Variants in ARSL observed in about 807,000 individuals in gnomAD.
ARSL encodes arylsulfatase E (chondrodysplasia punctata 1).
Under a neutral mutation model 31.1 loss-of-function variants are expected in ARSL, and 4 were observed. That is an observed-to-expected ratio of 0.13 (90% CI 0.06 to 0.29). The LOEUF is 0.29. Ranked by LOEUF, ARSL falls within the 10% of genes least tolerant of loss-of-function variation. The pLI is 1.00. For missense variants in ARSL, 312 were observed against 497.8 expected (o/e 0.63, Z 3.55); for synonymous variants, 198 against 209.9 (o/e 0.94, Z 0.49).
At position 2,944,198 on chromosome X, in the gene ARSL, G is replaced by A. The variant is rs748674726; in HGVS notation, c.992-999C>T. Among the ~76,000 whole-genome samples the A allele has an allele frequency of 2.7e-5, 3 of 109,170 alleles. No homozygotes were observed. The East Asian group carries it at 8.8e-4, about 32-fold the overall frequency. The allele number at this position is 109,170 out of a possible 115,157, so 94.8% of individuals were successfully genotyped here. On this transcript the variant is annotated intron_variant, in intron 7 of 10. Coordinates refer to ENST00000381134, the MANE Select transcript of ARSL (RefSeq NM_000047.3). ...CGGCCAGGCGCAGTGGCTCATCCCTGTAATCCCAGCACTTTGGGAGGCTGA... is the reference window on the plus strand; with the variant it reads ...CGGCCAGGCGCAGTGGCTCATCCCTATAATCCCAGCACTTTGGGAGGCTGA...
chrX:2,938,382 C>CTG, intron 8 of ARSL, 125 bp from the exon 9 acceptor site: 1 of 570,985 alleles, frequency 1.8e-6, no homozygotes, highest in Non-Finnish European at 2.5e-6. Context: ...CTCTCAATTT[C>CTG]TCTCTCTCTC....
chrX:2,966,918 T>C (rs2089704535), upstream of ARSL, among the ~76,000 whole-genome samples: 1 of 110,715 alleles, frequency 9.0e-6, no homozygotes, highest in Non-Finnish European at 1.9e-5. Context: ...TGTATACATG[T>C]ACATGCATGT....
At position 2,936,949 on chromosome X, in the gene ARSL, G is replaced by C. The variant is rs1348434693; in HGVS notation, c.1290-86C>G. 156 of 1,132,343 alleles carry C rather than the reference G, an allele frequency of 1.4e-4. 1 individual carries two copies. The South Asian group carries it at 2.6e-3, about 19-fold the overall frequency. The allele number at this position is 1,132,343 out of a possible 1,213,427, so 93.3% of individuals were successfully genotyped here. A position where few individuals can be genotyped will look rare whatever the true frequency, so the allele number is the denominator to read the frequency against. The stretch of plus-strand genomic sequence containing the variant: ...CCAGCATCCACCAGTCCCAGCCCCA[G>C]GTGGTGCACTCTCCTTATGTTGTAT... On this transcript the variant is annotated intron_variant, in intron 9 of 10. Coordinates refer to ENST00000381134, the MANE Select transcript of ARSL (RefSeq NM_000047.3).
intron 2 of ARSL, among the ~76,000 whole-genome samples, chrX:2,960,131 T>A (rs752942090): frequency 1.1e-5 from 1 of 88,034 alleles, no homozygotes; most frequent in Non-Finnish European, 2.3e-5. Context: ...TAGCCGGGCG[T>A]GGTGGCAGGC....
chrX:2,941,816 G>A (rs920773773), intron 8 of ARSL, among the ~76,000 whole-genome samples: 1 of 112,202 alleles, frequency 8.9e-6, no homozygotes, highest in African/African-American at 3.2e-5. Context: ...CCTGAGGGCT[G>A]TGTCACAGGC....
upstream of ARSL, chrX:2,968,230 A>C (rs1352819842): frequency 9.0e-7 from 1 of 1,107,417 alleles, no homozygotes; most frequent in African/African-American, 1.8e-5. Flanking sequence ...TCTTCCTGCC[A>C]AAACAGACAC....
chrX:2,960,513 A>G (rs1379101055), intron 1 of ARSL, 93 bp from the exon 2 acceptor site: 1 of 861,808 alleles, frequency 1.2e-6, no homozygotes, highest in African/African-American at 2.0e-5. Context: ...GGGAACTTTG[A>G]TTCCCGTTCA....
chrX:2,943,012 G>A, intron 8 of ARSL, 53 bp downstream of exon 8: 1 of 1,196,885 alleles, frequency 8.4e-7, no homozygotes, highest in Non-Finnish European at 1.1e-6. Context: ...GCTGGGAATT[G>A]CAGGGAAGAG....
chrX:2,949,876 G>A (rs1284851992), intron 5 of ARSL, 149 bp from the exon 6 acceptor site: 1 of 711,519 alleles, frequency 1.4e-6, no homozygotes, highest in Non-Finnish European at 2.1e-6. Flanking sequence ...GCTGTTATTT[G>A]CACCACAATC....
At chrX:2,944,408 C>T (rs1341246129) in intron 7 of ARSL, among the ~76,000 whole-genome samples, 9 of 101,619 alleles carry the variant, frequency 8.9e-5, no homozygotes, top group African/African-American at 2.9e-4. Context: ...GAGCTGAGAC[C>T]GTGCCATTGC....
intron 7 of ARSL, among the ~76,000 whole-genome samples, chrX:2,944,653 T>C (rs903050017): frequency 9.2e-6 from 1 of 109,128 alleles, no homozygotes; most frequent in Non-Finnish European, 1.9e-5. Context: ...CACCACCACC[T>C]AAACCCTGCG....
At chrX:2,959,395 G>T (rs1018880067) in intron 2 of ARSL, among the ~76,000 whole-genome samples, 1 of 111,754 alleles carries the variant, frequency 8.9e-6, no homozygotes, top group Non-Finnish European at 1.9e-5. Context: ...TTCCGCAGGG[G>T]TTGGTGACAT....
chrX:2,959,464 G>A lies in ARSL; in HGVS notation c.23+914C>T, dbSNP rs763092277. The stretch of plus-strand genomic sequence containing the variant: ...CGATGCCACCCTGGGAATGCACATG[G>A]ACAGCAGGGCCATAGTGTCCCAATC... On this transcript the variant is annotated intron_variant, in intron 2 of 10. Transcript: ENST00000381134. The A allele has an allele frequency of 8.7e-5, 70 of 806,441 alleles. No individual in the cohort carries two copies. In the South Asian group the frequency reaches 2.2e-3, roughly 25 times the overall value. 66.5% of individuals were successfully genotyped at this position (806,441 alleles called of 1,213,427 possible). A position where few individuals can be genotyped will look rare whatever the true frequency, so the allele number is the denominator to read the frequency against.
intron 7 of ARSL, among the ~76,000 whole-genome samples, chrX:2,945,516 T>C (rs938445311): frequency 1.8e-5 from 2 of 111,749 alleles, no homozygotes; most frequent in Non-Finnish European, 3.8e-5. Flanking sequence ...GACGTGGAAA[T>C]CTCTGAGGTC....
At chrX:2,948,670 T>C (rs1241122342) in intron 6 of ARSL, among the ~76,000 whole-genome samples, 1 of 111,256 alleles carries the variant, frequency 9.0e-6, no homozygotes. Context: ...TTTAAAATTT[T>C]TGTGGAAATG....
Position 2,953,655 on chromosome X carries a change from C to T in ARSL, c.308-390G>A, listed in dbSNP as rs370689503. Among the ~76,000 whole-genome samples, 16 of 111,786 alleles carry T rather than the reference C, an allele frequency of 1.4e-4. No individual in the cohort carries two copies. In the East Asian group the frequency reaches 2.0e-3, roughly 14 times the overall value. On this transcript the variant is annotated intron_variant, in intron 4 of 10. Coordinates refer to ENST00000381134, the MANE Select transcript of ARSL (RefSeq NM_000047.3). ...GCAGTCTCAACCACCTGGGCTCAAA[C>T]GATCCTCCCACCTCAGCTACCTGAG...
Position 2,949,495 on chromosome X carries a change from G to A in ARSL, c.663C>T (p.Pro221=), listed in dbSNP as rs2089433147. 5 of 1,211,325 alleles carry A rather than the reference G, an allele frequency of 4.1e-6. No individual in the cohort carries two copies. The South Asian group carries it at 5.3e-5, about 13-fold the overall frequency. Residue 221 remains proline, a synonymous_variant, in exon 6 of 11, where the codon CCC becomes CCT. Transcript: ENST00000381134. ...LVAGKLTHLI[P]VSWMPVIWSA... ...ACCAGATGACCGGCATCCACGAGAC[G>A]GGTATCAGGTGTGTGAGCTTCCCTG...
At chrX:2,944,464 CAAAAAAAACAAAAA>C (rs2089340159) in intron 7 of ARSL, among the ~76,000 whole-genome samples, 1 of 45,426 alleles carries the variant, frequency 2.2e-5, no homozygotes, top group Non-Finnish European at 5.0e-5. Context: ...AAAAAAAAAA[CAAAAAAAACAAAAA>C]AAAAAAAACA....
At chrX:2,947,160 G>C (rs777956412) in intron 6 of ARSL, among the ~76,000 whole-genome samples, 7 of 110,587 alleles carry the variant, frequency 6.3e-5, no homozygotes, top group Admixed American at 9.7e-5. Flanking sequence ...CTTCAGCCTG[G>C]ACAACCGGAT....
Sources: allele counts gnomAD v4.1 joint callset (sites outside exome capture counted in the v4.1 genomes callset), GRCh38; gene constraint gnomAD v4.1.1; transcripts MANE v1.5; gene names NCBI Gene and HGNC (gene_info 2026-07-23, HGNC 2026-07-21).